ARHGAP26: variants seen among roughly 807,000 people sequenced by gnomAD.
The protein encoded by ARHGAP26 is Rho GTPase activating protein 26.
ARHGAP26 carries 38 observed loss-of-function variants against 104.8 expected under a neutral mutation model. The ratio of observed to expected loss-of-function variants is 0.36; its 90% CI spans 0.28 to 0.48. The LOEUF is 0.48. Ranked by LOEUF, ARHGAP26 falls within the 20% of genes least tolerant of loss-of-function variation. The pLI is 0.99. For missense variants in ARHGAP26, 704 were observed against 947.9 expected (o/e 0.74, Z 3.38); for synonymous variants, 341 against 340.0 (o/e 1.00, Z -0.03).
chr5:142,801,948 C>T (rs916568767), intron 1 of ARHGAP26, among the ~76,000 whole-genome samples: 6 of 152,008 alleles, frequency 3.9e-5, no homozygotes, highest in Admixed American at 3.3e-4. Context: ...GGAGTGGGTG[C>T]GGGTCAGATT....
chr5:143,161,166 C>A (rs1450970128), intron 20 of ARHGAP26, among the ~76,000 whole-genome samples: 1 of 151,972 alleles, frequency 6.6e-6, no homozygotes, highest in East Asian at 1.9e-4. Flanking sequence ...CACGCAGCAC[C>A]ACACCTGGCT....
Position 143,037,176 on chromosome 5 carries a change from T to C in ARHGAP26, c.1145-20T>C, listed in dbSNP as rs192194. On this transcript the variant is annotated intron_variant, in intron 12 of 22. Coordinates refer to ENST00000645722, the MANE Select transcript of ARHGAP26 (RefSeq NM_001135608.3). ...ATTTCCATGGCTAGCAACTTGACTG[T>C]CCTTCTCTTGCTCTTTCAGCTGCGC... 0.75 allele frequency: 1,194,728 copies of C among 1,587,344 alleles called. 455,657 individuals carry two copies. Among genetic ancestry groups the C allele is most frequent in the African/African-American group, 0.79 (59,161 of 74,576 alleles).
At chr5:142,814,671 G>C (rs1306020098) in intron 1 of ARHGAP26, among the ~76,000 whole-genome samples, 6 of 152,332 alleles carry the variant, frequency 3.9e-5, no homozygotes, top group African/African-American at 1.2e-4. Context: ...TGGTGACTAA[G>C]TGTACAGGCT....
chr5:143,013,475 A>G (rs914213750), intron 11 of ARHGAP26, among the ~76,000 whole-genome samples: 4 of 152,196 alleles, frequency 2.6e-5, no homozygotes, highest in African/African-American at 7.2e-5. Context: ...AGGGGTTTCT[A>G]TGGAAAATAT....
At chr5:142,841,780 A>G (rs1169531231) in intron 1 of ARHGAP26, among the ~76,000 whole-genome samples, 4 of 152,248 alleles carry the variant, frequency 2.6e-5, no homozygotes, top group South Asian at 2.1e-4. Flanking sequence ...AGAGACAAGG[A>G]AAGTAGAGTA....
At chr5:143,192,419 A>C (rs1806079501) in intron 20 of ARHGAP26, 1 of 152,290 alleles carries the variant, frequency 6.6e-6, no homozygotes. Flanking sequence ...AGGGGTAGGC[A>C]AACCAAGGCC....
intron 12 of ARHGAP26, among the ~76,000 whole-genome samples, chr5:143,021,071 CATT>C (rs931500707): frequency 1.1e-4 from 16 of 152,200 alleles, no homozygotes; most frequent in Non-Finnish European, 1.8e-4. Flanking sequence ...AATATGAACT[CATT>C]GTAGAATATT....
intron 19 of ARHGAP26, 60 bp downstream of exon 19, chr5:143,134,165 G>A (rs953724850): frequency 6.0e-6 from 9 of 1,506,434 alleles, no homozygotes; most frequent in African/African-American, 4.2e-5. Context: ...CTACCTGCAC[G>A]GCTCAGGGTG....
At chr5:143,058,487 A>G (rs907302069) in intron 17 of ARHGAP26, among the ~76,000 whole-genome samples, 1 of 152,224 alleles carries the variant, frequency 6.6e-6, no homozygotes, top group Non-Finnish European at 1.5e-5. Flanking sequence ...TGCTGCATTC[A>G]TCACTACTTG....
intron 20 of ARHGAP26, among the ~76,000 whole-genome samples, chr5:143,151,677 G>T (rs188482685): frequency 6.6e-6 from 1 of 152,140 alleles, no homozygotes; most frequent in Non-Finnish European, 1.5e-5. Context: ...TCAGTCTGGC[G>T]GGGTGCAGTG....
At chr5:142,931,915 GTGT>G in intron 10 of ARHGAP26, 129 bp from the exon 11 acceptor site, 1 of 806,410 alleles carries the variant, frequency 1.2e-6, no homozygotes, top group Non-Finnish European at 2.1e-6. Context: ...GTAAAGCCGA[GTGT>G]TTTGCCCCTC....
intron 18 of ARHGAP26, 46 bp from the exon 19 acceptor site, chr5:143,133,921 C>A: frequency 6.5e-7 from 1 of 1,548,756 alleles, no homozygotes; most frequent in South Asian, 1.2e-5. Context: ...TGTTTTCTTC[C>A]CAGTCCACAG....
At chr5:143,174,218 G>A (rs853162) in intron 20 of ARHGAP26, among the ~76,000 whole-genome samples, 23,936 of 152,148 alleles carry the variant, frequency 0.16, 2,480 homozygotes, top group East Asian at 0.45. Flanking sequence ...TTAAGGATCC[G>A]GTTGGGTATG....
chr5:143,010,380 C>T (rs886573229), intron 11 of ARHGAP26, among the ~76,000 whole-genome samples: 2 of 152,196 alleles, frequency 1.3e-5, no homozygotes, highest in Non-Finnish European at 2.9e-5. Flanking sequence ...GTGAATAATA[C>T]TAGACCTCAT....
At chr5:142,779,321 T>C (rs186432405) in intron 1 of ARHGAP26, among the ~76,000 whole-genome samples, 2 of 152,286 alleles carry the variant, frequency 1.3e-5, no homozygotes, top group East Asian at 3.9e-4. Flanking sequence ...TGTGTCTGGC[T>C]CATTTCACCT....
chr5:143,170,796 C>A (rs1326081913), intron 20 of ARHGAP26: 7 of 152,212 alleles, frequency 4.6e-5, no homozygotes, highest in Non-Finnish European at 1.5e-5. Flanking sequence ...TGCTTAGTTG[C>A]TTCTGCGGGC....
At chr5:142,879,147 A>G (rs574141904) in intron 3 of ARHGAP26, among the ~76,000 whole-genome samples, 19 of 152,318 alleles carry the variant, frequency 1.2e-4, no homozygotes, top group African/African-American at 4.3e-4. Context: ...ACTTTTAAAT[A>G]ATCAGTATTA....
At chr5:142,856,291 G>T (rs182316491) in intron 1 of ARHGAP26, among the ~76,000 whole-genome samples, 1 of 152,222 alleles carries the variant, frequency 6.6e-6, no homozygotes, top group Non-Finnish European at 1.5e-5. Context: ...GGTGGCAGTC[G>T]GTTGGTTGTG....
chr5:142,825,616 T>A (rs1284518507), intron 1 of ARHGAP26, among the ~76,000 whole-genome samples: 1 of 152,230 alleles, frequency 6.6e-6, no homozygotes, highest in African/African-American at 2.4e-5. Context: ...GGGTTATTAT[T>A]TTTCTATTGT....
Sources: gnomAD v4.1 joint callset for allele counts (sites outside exome capture counted in the v4.1 genomes callset) on GRCh38, gnomAD v4.1.1 for gene constraint, MANE v1.5 for transcripts, NCBI Gene and HGNC (gene_info 2026-07-23, HGNC 2026-07-21) for gene names.